Variants in KCNB2 observed in about 807,000 individuals in gnomAD.
The protein encoded by KCNB2 is delayed rectifier potassium channel protein.
Under a neutral mutation model 61.5 loss-of-function variants are expected in KCNB2, and 15 were observed. That is an observed-to-expected ratio of 0.24 (90% CI 0.16 to 0.38). The LOEUF (loss-of-function observed/expected upper bound fraction) is 0.38, where lower values mean the gene tolerates loss of function less well. KCNB2 is among the 10% of genes least tolerant of loss of function. KCNB2 has a pLI of 1.00. For synonymous variants in KCNB2, 457 were observed against 446.0 expected (o/e 1.02, Z -0.31); for missense variants, 828 against 1,125.2 (o/e 0.74, Z 3.78).
intron 2 of KCNB2, among the ~76,000 whole-genome samples, chr8:72,738,977 T>TATAAAATA (rs1368891504): frequency 6.6e-6 from 1 of 152,188 alleles, no homozygotes; most frequent in Non-Finnish European, 1.5e-5. Context: ...ATATTCCAAC[T>TATAAAATA]ATACCATTTA....
chr8:72,937,567 C>T lies in KCNB2; in HGVS notation c.2212C>T (p.Pro738Ser). 6.2e-7 allele frequency: 1 copy of T among 1,614,016 alleles called. No homozygotes were observed. Among genetic ancestry groups the T allele is most frequent in the Non-Finnish European group, 8.5e-7 (1 of 1,179,980 alleles). ...CCCGCCCAGCACAGCCAGGCCACTG[C>T]CAGTCACCACAGCTGACTTTTCGCT... is the stretch of plus-strand genomic sequence containing the variant. Reference protein sequence around the residue: ...QTPPSTARPLPVTTADFSLTT... With the variant: ...QTPPSTARPLSVTTADFSLTT... The change falls in exon 3 of 3, where the codon CCA becomes TCA. Residue 738 changes from proline to serine, a missense_variant. Pro to Ser is a moderately conservative substitution (Grantham distance 74). This residue lies in a region of KCNB2 where 559 missense variants were observed against 588.4 expected (regional missense o/e 0.95). Coordinates refer to ENST00000523207, the MANE Select transcript of KCNB2 (RefSeq NM_004770.3).
chr8:72,678,551 A>G (rs1806701121), intron 2 of KCNB2, among the ~76,000 whole-genome samples: 1 of 152,232 alleles, frequency 6.6e-6, no homozygotes. Context: ...CCAGGTGGCC[A>G]TATGGCTCAC....
At chr8:72,682,743 AC>A (rs1433674184) in intron 2 of KCNB2, among the ~76,000 whole-genome samples, 1 of 152,024 alleles carries the variant, frequency 6.6e-6, no homozygotes, top group Non-Finnish European at 1.5e-5. Flanking sequence ...ACAGGTGTAT[AC>A]CACCATCCCC....
chr8:72,684,698 A>G (rs1806821777), intron 2 of KCNB2, among the ~76,000 whole-genome samples: 1 of 152,194 alleles, frequency 6.6e-6, no homozygotes. Context: ...ATTTAAAAAG[A>G]GTATTTGATC....
At chr8:72,696,975 A>T (rs1275338506) in intron 2 of KCNB2, among the ~76,000 whole-genome samples, 1 of 152,176 alleles carries the variant, frequency 6.6e-6, no homozygotes, top group Non-Finnish European at 1.5e-5. Context: ...TTGCTACTTC[A>T]TATTATCCGT....
At chr8:72,817,108 A>G (rs543837121) in intron 2 of KCNB2, among the ~76,000 whole-genome samples, 2 of 152,298 alleles carry the variant, frequency 1.3e-5, no homozygotes, top group African/African-American at 4.8e-5. Flanking sequence ...TTTCAAGGCC[A>G]GGAGGGTAGG....
At chr8:72,586,478 G>A (rs1377220682) in intron 2 of KCNB2, among the ~76,000 whole-genome samples, 2 of 152,168 alleles carry the variant, frequency 1.3e-5, no homozygotes, top group Non-Finnish European at 2.9e-5. Flanking sequence ...CACAGAGGGG[G>A]AGAAAAGAAA....
intron 2 of KCNB2, among the ~76,000 whole-genome samples, chr8:72,626,446 G>A (rs1171358211): frequency 6.6e-6 from 1 of 152,214 alleles, no homozygotes; most frequent in African/African-American, 2.4e-5. Flanking sequence ...TGTGCAATGT[G>A]TTACATGCAG....
chr8:72,615,042 A>G (rs1805596690), intron 2 of KCNB2, among the ~76,000 whole-genome samples: 1 of 152,224 alleles, frequency 6.6e-6, no homozygotes. Flanking sequence ...ACCTCCCCAC[A>G]TAACACCAGC....
At chr8:72,627,418 G>T (rs969294253) in intron 2 of KCNB2, among the ~76,000 whole-genome samples, 2 of 152,170 alleles carry the variant, frequency 1.3e-5, no homozygotes, top group Non-Finnish European at 2.9e-5. Flanking sequence ...GTATAACCTA[G>T]AAATGATAGA....
At chr8:72,722,947 CT>C (rs1490874716) in intron 2 of KCNB2, among the ~76,000 whole-genome samples, 1 of 152,152 alleles carries the variant, frequency 6.6e-6, no homozygotes, top group Non-Finnish European at 1.5e-5. Context: ...AGAAAGAGCT[CT>C]GTCTTTTTCT....
At chr8:72,917,321 A>G (rs1806419425) in intron 2 of KCNB2, among the ~76,000 whole-genome samples, 2 of 152,232 alleles carry the variant, frequency 1.3e-5, no homozygotes, top group South Asian at 2.1e-4. Context: ...GAAAGTAAAT[A>G]CTATAATCAG....
At chr8:72,929,361 C>A (rs997727316) in intron 2 of KCNB2, among the ~76,000 whole-genome samples, 17 of 152,206 alleles carry the variant, frequency 1.1e-4, no homozygotes, top group African/African-American at 3.9e-4. Context: ...TGGGAGCCCT[C>A]TTCTGAACTC....
chr8:72,859,706 C>CTTTTTTTTTTTTTTTTTTTT lies in KCNB2; in HGVS notation c.580-76229_580-76228insTTTTTTTTTTTTTTTTTTTT, dbSNP rs1810264452. ...TGTAGCATGGATCAGTACTTCATTT[C>CTTTTTTTTTTTTTTTTTTTT]GTTTTTTTTTTTTTTTTTTTTTTTT... is the stretch of plus-strand genomic sequence containing the variant. On this transcript the variant is annotated intron_variant, in intron 2 of 2. Coordinates refer to ENST00000523207, the MANE Select transcript of KCNB2 (RefSeq NM_004770.3). Among the ~76,000 whole-genome samples the CTTTTTTTTTTTTTTTTTTTT allele has an allele frequency of 3.3e-4, 24 of 73,442 alleles. 11 individuals carry two copies. The highest frequency in any genetic ancestry group is 3.5e-4 in the African/African-American group (6 of 17,008). 48.2% of individuals were successfully genotyped at this position (73,442 alleles called of 152,430 possible).
intron 2 of KCNB2, among the ~76,000 whole-genome samples, chr8:72,584,113 A>C (rs75198022): frequency 0.04 from 6,046 of 150,254 alleles, 380 homozygotes; most frequent in African/African-American, 0.14. Context: ...AAACAAAAAA[A>C]AACAGAAAAA....
chr8:72,873,629 A>G (rs7016681), intron 2 of KCNB2, among the ~76,000 whole-genome samples: 4,105 of 152,316 alleles, frequency 0.027, 167 homozygotes, highest in African/African-American at 0.088. Flanking sequence ...CCCATACTAT[A>G]GTTGTTGAGA....
At chr8:72,823,253 G>A (rs1809540762) in intron 2 of KCNB2, among the ~76,000 whole-genome samples, 1 of 152,156 alleles carries the variant, frequency 6.6e-6, no homozygotes, top group Non-Finnish European at 1.5e-5. Context: ...GCCACCATGA[G>A]TCATGCTGTG....
intron 2 of KCNB2, among the ~76,000 whole-genome samples, chr8:72,816,031 A>G (rs1279546487): frequency 6.6e-6 from 1 of 152,204 alleles, no homozygotes; most frequent in Non-Finnish European, 1.5e-5. Context: ...GTGATTCTAA[A>G]TCACACCACT....
chr8:72,936,771 C>A lies in KCNB2; in HGVS notation c.1416C>A (p.Ala472=). The change falls in exon 3 of 3, where the codon GCC becomes GCA. Residue 472 remains alanine, a synonymous_variant. Transcript: ENST00000523207. The surrounding 1 kb of genome is among the most constrained non-coding windows in gnomAD (Gnocchi z 5.6). ...TGATAGATGTGGCTGTTGAGAAGGC[C>A]GGAGAGTCCGCCAACACAAAGGACT... ...MELIDVAVEK[A]GESANTKDSA... 1 of 1,614,132 alleles carries A rather than the reference C, an allele frequency of 6.2e-7. No homozygotes were observed. The highest frequency in any genetic ancestry group is 1.1e-5 in the South Asian group (1 of 91,076).
Sources: allele counts gnomAD v4.1 joint callset (sites outside exome capture counted in the v4.1 genomes callset), GRCh38; gene constraint gnomAD v4.1.1; regional missense constraint gnomAD v4.1.1; non-coding constraint Gnocchi (gnomAD v3.1); transcripts MANE v1.5; gene names NCBI Gene and HGNC (gene_info 2026-07-23, HGNC 2026-07-21).